The following IMPA1 variants were observed in gnomAD, a reference collection of about 807,000 sequenced individuals.
IMPA1 encodes inositol monophosphatase 1, also known as D-galactose 1-phosphate phosphatase.
In IMPA1, 21 loss-of-function variants were observed where a neutral mutation model predicts 34.9. That is an observed-to-expected ratio of 0.60 (90% confidence interval 0.43 to 0.87). IMPA1 has a LOEUF of 0.87. Among genes scored for constraint, IMPA1 ranks in the 40% least tolerant of loss-of-function variants. The pLI is 0.00. For synonymous variants in IMPA1, 95 were observed against 104.4 expected (o/e 0.91, Z 0.55); for missense variants, 299 against 336.4 (o/e 0.89, Z 0.87).
rs1010169280 is a variant in IMPA1 at position 81,657,051 on chromosome 8, C to T, written c.*2300G>A. Reference sequence around the variant, plus strand: ...ATATACATGTTAAGTCTAAGAAGTCCTGTTACTCAAAGAAATATTTTCAAA... The same window carrying T: ...ATATACATGTTAAGTCTAAGAAGTCTTGTTACTCAAAGAAATATTTTCAAA... On this transcript the variant is annotated 3_prime_UTR_variant, in exon 9 of 9. Transcript: ENST00000256108. 1.2e-4 allele frequency among the ~76,000 whole-genome samples: 18 copies of T among 152,092 alleles called. No individual in the cohort carries two copies. Among genetic ancestry groups the T allele is most frequent in the African/African-American group, 4.3e-4 (18 of 41,392 alleles).
chr8:81,671,260 A>G lies in IMPA1; in HGVS notation c.458-213T>C, dbSNP rs540648702. Among the ~76,000 whole-genome samples the G allele has an allele frequency of 2.0e-5, 3 of 152,320 alleles. No individual in the cohort carries two copies. In the South Asian group the frequency reaches 6.2e-4, roughly 32 times the overall value. On this transcript the variant is annotated intron_variant, in intron 6 of 8. Coordinates refer to ENST00000256108, the MANE Select transcript of IMPA1 (RefSeq NM_005536.4). ...GCTTAGGCCCTTCCTGAAAAAGTAC[A>G]TAATGTAACCAATTTGCCTGCATAC...
At position 81,679,144 on chromosome 8, in the gene IMPA1, G is replaced by T; in HGVS notation, c.284C>A (p.Thr95Lys). The change falls in exon 4 of 9, where the codon ACA becomes AAA. Residue 95 changes from threonine to lysine, a missense_variant. Coordinates refer to ENST00000256108, the MANE Select transcript of IMPA1 (RefSeq NM_005536.4). ...AACATACCTATGTACAAAGTTAGTTGTTCCATCAATAGGGTCAATGATCCA... is the reference window on the plus strand; with the variant it reads ...AACATACCTATGTACAAAGTTAGTTTTTCCATCAATAGGGTCAATGATCCA... ...PTWIIDPIDGTTNFVHRFPFV... is the reference protein window; with the variant it reads ...PTWIIDPIDGKTNFVHRFPFV... 6.2e-7 allele frequency: 1 copy of T among 1,609,840 alleles called. No individual in the cohort carries two copies. The highest frequency in any genetic ancestry group is 8.5e-7 in the Non-Finnish European group (1 of 1,176,160).
rs1806560819 is a variant in IMPA1, at chr8:81,657,853, T to A, written c.*1498A>T. 6.6e-6 allele frequency: 1 copy of A among 152,124 alleles called. No individual in the cohort carries two copies. Among genetic ancestry groups the A allele is most frequent in the Non-Finnish European group, 1.5e-5 (1 of 68,038 alleles). 9.4% of individuals were successfully genotyped at this position (152,124 alleles called of 1,614,324 possible). A position where few individuals can be genotyped will look rare whatever the true frequency, so the allele number is the denominator to read the frequency against. On this transcript the variant is annotated 3_prime_UTR_variant, in exon 9 of 9. Transcript: ENST00000256108. ...AGGAATTTAAGGATACAGTGAGCTA[T>A]GACTGCACCACAGCACAGTCAGAGA...
At chr8:81,685,122 G>C (rs1003751698) in intron 1 of IMPA1, among the ~76,000 whole-genome samples, 1 of 130,474 alleles carries the variant, frequency 7.7e-6, no homozygotes, top group Non-Finnish European at 1.5e-5. Context: ...TATACATTAA[G>C]TATATTTAGA....
chr8:81,676,960 T>C (rs1807150482), intron 4 of IMPA1, among the ~76,000 whole-genome samples: 3 of 152,096 alleles, frequency 2.0e-5, no homozygotes, highest in East Asian at 3.9e-4. Context: ...TGCCACTGCA[T>C]GCCAGCCTGG....
At chr8:81,668,311 G>A (rs967900602) in intron 7 of IMPA1, among the ~76,000 whole-genome samples, 1 of 152,206 alleles carries the variant, frequency 6.6e-6, no homozygotes, top group Admixed American at 6.5e-5. Context: ...GTGGCCAGAT[G>A]CAGTGGCTCA....
rs777151679 is a variant in IMPA1 at position 81,679,129 on chromosome 8, T to C, written c.299A>G (p.His100Arg). 3.2e-6 allele frequency: 5 copies of C among 1,586,908 alleles called. No individual in the cohort carries two copies. Among genetic ancestry groups the C allele is most frequent in the East Asian group, 2.2e-5 (1 of 44,734 alleles). ...DPIDGTTNFV[H>R]RFPFVAVSIG... is the part of the protein sequence containing the mutation. Reference sequence around the variant, plus strand: ...TATTAGACATTTTAAAACATACCTATGTACAAAGTTAGTTGTTCCATCAAT... The same window carrying C: ...TATTAGACATTTTAAAACATACCTACGTACAAAGTTAGTTGTTCCATCAAT... Residue 100 changes from histidine to arginine, a missense_variant, in exon 4 of 9, where the codon CAT (histidine) becomes CGT (arginine). Transcript: ENST00000256108.
chr8:81,683,042 C>T lies in IMPA1; in HGVS notation c.-24-1458G>A, dbSNP rs1563591296. ...AAGCATCTAACAGGGGAGCTTTCAC[C>T]TGGACTTAGGCATCAGATCAGGTTT... On this transcript the variant is annotated intron_variant, in intron 1 of 8. Transcript: ENST00000256108. Among the ~76,000 whole-genome samples, 5 of 152,276 alleles carry T rather than the reference C, an allele frequency of 3.3e-5. No individual in the cohort carries two copies. The South Asian group carries it at 1.0e-3, about 32-fold the overall frequency.
At chr8:81,685,687 TATATA>T (rs1326202900) in intron 1 of IMPA1, 4 of 583,072 alleles carry the variant, frequency 6.9e-6, no homozygotes, top group African/African-American at 2.0e-5. Flanking sequence ...TATATAGTTA[TATATA>T]ATATATGAAT....
At chr8:81,685,122 G>T (rs1003751698) in intron 1 of IMPA1, among the ~76,000 whole-genome samples, 3 of 130,474 alleles carry the variant, frequency 2.3e-5, no homozygotes, top group Non-Finnish European at 3.1e-5. Context: ...TATACATTAA[G>T]TATATTTAGA....
At chr8:81,680,587 T>C (rs1807270132) in intron 3 of IMPA1, 63 bp downstream of exon 3, 2 of 1,278,610 alleles carry the variant, frequency 1.6e-6, no homozygotes, top group South Asian at 2.5e-5. Context: ...GCTACTCTCA[T>C]ATGCAGAACC....
At chr8:81,673,760 A>G (rs2130291106) in intron 6 of IMPA1, 81 bp downstream of exon 6, 1 of 783,050 alleles carries the variant, frequency 1.3e-6, no homozygotes, top group East Asian at 2.5e-5. Context: ...ACACCTGGAG[A>G]ATTCCATAGG....
intron 7 of IMPA1, among the ~76,000 whole-genome samples, chr8:81,665,637 C>A (rs1408378970): frequency 1.3e-5 from 2 of 152,082 alleles, no homozygotes; most frequent in African/African-American, 4.8e-5. Flanking sequence ...AAACACACGA[C>A]TGACCCAGAA....
chr8:81,676,887 G>C (rs1004261404), intron 4 of IMPA1, among the ~76,000 whole-genome samples: 3 of 151,944 alleles, frequency 2.0e-5, no homozygotes, highest in African/African-American at 7.3e-5. Flanking sequence ...AAGCTTCCCC[G>C]GTAGGCTGAG....
At chr8:81,684,400 ATATT>A (rs955956016) in intron 1 of IMPA1, among the ~76,000 whole-genome samples, 1 of 145,342 alleles carries the variant, frequency 6.9e-6, no homozygotes, top group East Asian at 2.0e-4. Context: ...TATACCATAC[ATATT>A]TAGATACTAT....
intron 2 of IMPA1, among the ~76,000 whole-genome samples, chr8:81,681,094 A>G (rs1445890273): frequency 6.6e-6 from 1 of 152,226 alleles, no homozygotes; most frequent in Admixed American, 6.5e-5. Flanking sequence ...ATCAAAGTGT[A>G]TATTTTATTT....
intron 1 of IMPA1, among the ~76,000 whole-genome samples, chr8:81,683,802 A>G (rs1807375158): frequency 6.6e-6 from 1 of 152,142 alleles, no homozygotes; most frequent in African/African-American, 2.4e-5. Context: ...CTGGATAGGC[A>G]TGATTGACAA....
In IMPA1 at chr8:81,656,925, G is replaced by A. The variant is rs746395387; in HGVS notation, c.*2426C>T. On this transcript the variant is annotated 3_prime_UTR_variant, in exon 9 of 9. Coordinates refer to ENST00000256108, the MANE Select transcript of IMPA1 (RefSeq NM_005536.4). ...TGAACACAATTTCGTTAAAAGGCAA[G>A]TACATATATTTTATGTGTTCAAGTA... Among the ~76,000 whole-genome samples, 6 of 152,080 alleles carry A rather than the reference G, an allele frequency of 3.9e-5. No individual in the cohort carries two copies. Among genetic ancestry groups the A allele is most frequent in the African/African-American group, 7.2e-5 (3 of 41,414 alleles).
chr8:81,674,065 A>G (rs1294668914), intron 5 of IMPA1, 116 bp from the exon 6 acceptor site: 1 of 635,390 alleles, frequency 1.6e-6, no homozygotes, highest in South Asian at 1.9e-5. Flanking sequence ...TGAAATGGCT[A>G]AACTGTGGGA....
Sources: gnomAD v4.1 joint callset for allele counts (sites outside exome capture counted in the v4.1 genomes callset) on GRCh38, gnomAD v4.1.1 for gene constraint, MANE v1.5 for transcripts, NCBI Gene and HGNC (gene_info 2026-07-23, HGNC 2026-07-21) for gene names.